HMGA2: variants seen among roughly 807,000 people sequenced by gnomAD.
HMGA2 encodes the protein high mobility group protein HMGI-C.
Under a neutral mutation model 19.1 loss-of-function variants are expected in HMGA2, and 8 were observed. That is an observed-to-expected ratio of 0.42 (90% CI 0.25 to 0.76). The LOEUF is 0.76. Ranked by LOEUF, HMGA2 falls within the 30% of genes least tolerant of loss-of-function variation. HMGA2 has a pLI of 0.28. For missense variants in HMGA2, 109 were observed against 136.3 expected, an observed-to-expected ratio of 0.80 and a Z score of 1.00; for synonymous variants, 60 against 48.8, an observed-to-expected ratio of 1.23 and a Z score of -0.96.
At chr12:65,938,893 G>A (rs1408678447) in intron 3 of HMGA2, among the ~76,000 whole-genome samples, 1 of 151,964 alleles carries the variant, frequency 6.6e-6, no homozygotes, top group Non-Finnish European at 1.5e-5. Context: ...CGAACTCCTA[G>A]GTTCAAGCCA....
chr12:65,866,094 T>C (rs1394071646), intron 3 of HMGA2, among the ~76,000 whole-genome samples: 1 of 152,202 alleles, frequency 6.6e-6, no homozygotes, highest in Non-Finnish European at 1.5e-5. Context: ...AGAGAAGATT[T>C]ACAAACGTTG....
intron 3 of HMGA2, among the ~76,000 whole-genome samples, chr12:65,903,812 G>C (rs1054728647): frequency 2.6e-5 from 4 of 152,158 alleles, no homozygotes; most frequent in African/African-American, 9.7e-5. Flanking sequence ...TTTTTGATTG[G>C]TGAGAAGTAA....
At chr12:65,892,683 G>T (rs995905061) in intron 3 of HMGA2, among the ~76,000 whole-genome samples, 1 of 152,042 alleles carries the variant, frequency 6.6e-6, no homozygotes, top group Admixed American at 6.5e-5. Context: ...CATGGGAATG[G>T]GGTCGTCAGG....
chr12:65,903,999 T>G (rs1346402367), intron 3 of HMGA2, among the ~76,000 whole-genome samples: 15 of 152,252 alleles, frequency 9.9e-5, no homozygotes, highest in Admixed American at 9.8e-4. Context: ...TTTGTCAGTA[T>G]ATAGTAGTAA....
chr12:65,951,354 A>G, intron 3 of HMGA2, 29 bp from the exon 4 acceptor site: 5 of 1,444,062 alleles, frequency 3.5e-6, no homozygotes, highest in Admixed American at 2.2e-5. Flanking sequence ...ATTTTCTTTT[A>G]AAATATATCT....
rs75136009 is a variant in HMGA2 at position 65,872,300 on chromosome 12, T to A, written c.249+33731T>A. Among the ~76,000 whole-genome samples the A allele has an allele frequency of 2.3e-3, 350 of 152,332 alleles. 2 individuals carry two copies. Among genetic ancestry groups the A allele is most frequent in the African/African-American group, 8.0e-3 (334 of 41,572 alleles). On this transcript the variant is annotated intron_variant, in intron 3 of 4. Coordinates refer to ENST00000403681, the MANE Select transcript of HMGA2 (RefSeq NM_003483.6). ...TTCACACTTGCCTTCCTTGGATGCC[T>A]GAAGGTAAACCTGTCCTGTGTTTCT...
At position 65,881,831 on chromosome 12, in the gene HMGA2, T is replaced by G. The variant is rs958876869; in HGVS notation, c.249+43262T>G. On this transcript the variant is annotated intron_variant, in intron 3 of 4. Coordinates refer to ENST00000403681, the MANE Select transcript of HMGA2 (RefSeq NM_003483.6). ...CGCAAGTGGTGGGATGACAGACACA[T>G]TCCCTTCCTTGAACTGCACTCTTTT... 8.5e-6 allele frequency: 6 copies of G among 702,714 alleles called. No homozygotes were observed. In the African/African-American group the frequency reaches 1.0e-4, roughly 12 times the overall value. The allele number at this position is 702,714 out of a possible 1,614,324, so 43.5% of individuals were successfully genotyped here. A position where few individuals can be genotyped will look rare whatever the true frequency, so the allele number is the denominator to read the frequency against.
intron 3 of HMGA2, among the ~76,000 whole-genome samples, chr12:65,935,925 C>T (rs904423715): frequency 2.6e-5 from 4 of 152,126 alleles, no homozygotes; most frequent in Non-Finnish European, 5.9e-5. Context: ...GCTGTAAAGT[C>T]TTGCAGGGTA....
At chr12:65,850,138 T>C (rs1365116458) in intron 3 of HMGA2, among the ~76,000 whole-genome samples, 1 of 152,206 alleles carries the variant, frequency 6.6e-6, no homozygotes, top group Non-Finnish European at 1.5e-5. Flanking sequence ...GTTTAGACAA[T>C]TGATGAGCTA....
Position 65,871,288 on chromosome 12 carries a change from A to G in HMGA2, c.249+32719A>G, listed in dbSNP as rs1259435545. On this transcript the variant is annotated intron_variant, in intron 3 of 4. Transcript: ENST00000403681. ...GCACCTATTGGTTCACGTATTGTCT[A>G]TACCTGCTTTCCTACTACAGTGGCA... Among the ~76,000 whole-genome samples, 3 of 152,308 alleles carry G rather than the reference A, an allele frequency of 2.0e-5. No individual in the cohort carries two copies. In the East Asian group the frequency reaches 5.8e-4, roughly 29 times the overall value.
intron 3 of HMGA2, among the ~76,000 whole-genome samples, chr12:65,877,777 G>T (rs562824087): frequency 1.4e-5 from 2 of 146,616 alleles, no homozygotes; most frequent in East Asian, 4.0e-4. Context: ...GACCTGCCTG[G>T]TTTTTTTTTT....
chr12:65,888,554 CTTTTTTTTTTTTT>C (rs1180942808), intron 3 of HMGA2, among the ~76,000 whole-genome samples: 8 of 40,580 alleles, frequency 2.0e-4, no homozygotes, highest in African/African-American at 8.0e-4. Context: ...GTGGTGTGCT[CTTTTTTTTTTTTT>C]TTTTTTTTTT....
At chr12:65,931,172 G>T (rs2121265914) in intron 3 of HMGA2, among the ~76,000 whole-genome samples, 1 of 152,204 alleles carries the variant, frequency 6.6e-6, no homozygotes, top group African/African-American at 2.4e-5. Flanking sequence ...TCAAAGAAAA[G>T]GTTGTTTTAT....
chr12:65,887,258 C>A (rs1873696652), intron 3 of HMGA2, among the ~76,000 whole-genome samples: 1 of 152,126 alleles, frequency 6.6e-6, no homozygotes, highest in South Asian at 2.1e-4. Context: ...GCTGGCATTC[C>A]AATGAGTCAC....
chr12:65,924,191 C>T (rs1164573394), intron 3 of HMGA2, among the ~76,000 whole-genome samples: 2 of 152,102 alleles, frequency 1.3e-5, no homozygotes, highest in East Asian at 3.8e-4. Flanking sequence ...ACTTCCTACT[C>T]TTCTTCATGT....
At chr12:65,842,363 A>T (rs928534931) in intron 3 of HMGA2, 3 of 617,108 alleles carry the variant, frequency 4.9e-6, no homozygotes, top group Non-Finnish European at 8.6e-6. Context: ...AATTATGATT[A>T]ATTTCACTGT....
At chr12:65,932,488 G>A (rs937460043) in intron 3 of HMGA2, among the ~76,000 whole-genome samples, 2 of 152,048 alleles carry the variant, frequency 1.3e-5, no homozygotes, top group Non-Finnish European at 2.9e-5. Context: ...CCTGGTGCTT[G>A]GTGTATAGAA....
intron 3 of HMGA2, among the ~76,000 whole-genome samples, chr12:65,926,443 G>T (rs1440202936): frequency 1.3e-5 from 2 of 152,186 alleles, no homozygotes; most frequent in African/African-American, 4.8e-5. Context: ...GTGGGGAGAG[G>T]GAGGCAGAGG....
intron 3 of HMGA2, among the ~76,000 whole-genome samples, chr12:65,920,695 A>T (rs562274626): frequency 6.6e-6 from 1 of 152,338 alleles, no homozygotes; most frequent in South Asian, 2.1e-4. Context: ...CCATGTAAGA[A>T]GTGCCGTTCG....
Sources: gnomAD v4.1 joint callset for allele counts (sites outside exome capture counted in the v4.1 genomes callset) on GRCh38, gnomAD v4.1.1 for gene constraint, MANE v1.5 for transcripts, NCBI Gene and HGNC (gene_info 2026-07-23, HGNC 2026-07-21) for gene names.